The following RUNX1 variants were observed in gnomAD, a reference collection of about 807,000 sequenced individuals.
RUNX1 encodes runt-related transcription factor 1.
A neutral mutation model predicts 42.8 loss-of-function variants in RUNX1; 19 were observed. The observed-to-expected ratio is 0.44, with a 90% confidence interval of 0.31 to 0.65. The LOEUF (loss-of-function observed/expected upper bound fraction) is 0.65. RUNX1 is among the 30% of genes least tolerant of loss of function. RUNX1 has a pLI of 0.07. For missense variants in RUNX1, 528 were observed against 672.0 expected (o/e 0.79, Z 2.37); for synonymous variants, 271 against 289.4 (o/e 0.94, Z 0.64).
intron 1 of RUNX1, 84 bp from the exon 2 acceptor site, chr21:35,049,042 A>AT: frequency 1.3e-6 from 1 of 762,480 alleles, no homozygotes; most frequent in Middle Eastern, 3.3e-4. Context: ...CCTCTGCTGG[A>AT]TACCTCTGGG....
rs567575813 is a variant in RUNX1, at chr21:34,849,497, T to A, written c.613+9977A>T. Among the ~76,000 whole-genome samples, 29 of 107,058 alleles carry A rather than the reference T, an allele frequency of 2.7e-4. No individual in the cohort carries two copies. The South Asian group carries it at 6.6e-3, about 24-fold the overall frequency. The allele number at this position is 107,058 out of a possible 152,430, so 70.2% of individuals were successfully genotyped here. A position where few individuals can be genotyped will look rare whatever the true frequency, so the allele number is the denominator to read the frequency against. ...TAATATATATTATATATATATATAT[T>A]AGCTTGGCTTTCACCTATGAATGTG... On this transcript the variant is annotated intron_variant, in intron 6 of 8. Coordinates refer to ENST00000675419, the MANE Select transcript of RUNX1 (RefSeq NM_001754.5).
rs190720289 is a variant in RUNX1, at chr21:34,966,634, C to A, written c.59-73671G>T. Among the ~76,000 whole-genome samples, 12 of 152,326 alleles carry A rather than the reference C, an allele frequency of 7.9e-5. No homozygotes were observed. In the East Asian group the frequency reaches 1.7e-3, roughly 22 times the overall value. On this transcript the variant is annotated intron_variant, in intron 2 of 8. Coordinates refer to ENST00000675419, the MANE Select transcript of RUNX1 (RefSeq NM_001754.5). ...AAGGCTTCACCCCACCAATCAATGA[C>A]AACTTACTTTTTCCCCAAGGATCAG...
At chr21:35,007,024 C>T (rs900089014) in intron 2 of RUNX1, among the ~76,000 whole-genome samples, 1 of 152,100 alleles carries the variant, frequency 6.6e-6, no homozygotes, top group East Asian at 1.9e-4. Context: ...GCCACCAGCC[C>T]CATGTGGGCA....
chr21:34,880,321 T>C (rs1325323253), intron 5 of RUNX1, among the ~76,000 whole-genome samples: 2 of 152,240 alleles, frequency 1.3e-5, no homozygotes, highest in African/African-American at 2.4e-5. Context: ...TCACAATTCC[T>C]ACGTTGCATG....
chr21:34,833,888 T>C (rs2057100938), intron 7 of RUNX1: 2 of 252,162 alleles, frequency 7.9e-6, no homozygotes, highest in South Asian at 4.7e-5. Flanking sequence ...GATTTGCAAA[T>C]AACACCCTTG....
chr21:34,985,247 C>T (rs2058876546), intron 2 of RUNX1, among the ~76,000 whole-genome samples: 1 of 152,108 alleles, frequency 6.6e-6, no homozygotes, highest in African/African-American at 2.4e-5. Context: ...TAGTTTCTTG[C>T]AATAGGGATG....
intron 2 of RUNX1, among the ~76,000 whole-genome samples, chr21:35,028,210 T>G (rs1052703355): frequency 1.4e-4 from 22 of 152,180 alleles, no homozygotes; most frequent in African/African-American, 5.3e-4. Flanking sequence ...ACAGGGCTAT[T>G]AAGATGCAGA....
chr21:34,810,989 G>A (rs925110425), intron 7 of RUNX1, among the ~76,000 whole-genome samples: 6 of 152,182 alleles, frequency 3.9e-5, no homozygotes, highest in African/African-American at 1.2e-4. Flanking sequence ...CTCCTGCAGA[G>A]CAGCAGCCTC....
At chr21:34,854,410 C>A (rs922043507) in intron 6 of RUNX1, among the ~76,000 whole-genome samples, 1 of 151,896 alleles carries the variant, frequency 6.6e-6, no homozygotes, top group African/African-American at 2.4e-5. Context: ...CTCCACCTTA[C>A]CATCTCTATG....
At chr21:34,821,727 G>C in intron 7 of RUNX1, 1 of 1,543,626 alleles carries the variant, frequency 6.5e-7, no homozygotes, top group South Asian at 1.2e-5. Flanking sequence ...CAGGGAGAAA[G>C]TTCGAAAATA....
chr21:35,007,019 C>T (rs2059090019), intron 2 of RUNX1, among the ~76,000 whole-genome samples: 1 of 152,132 alleles, frequency 6.6e-6, no homozygotes, highest in Admixed American at 6.5e-5. Flanking sequence ...TTGGTGCCAC[C>T]AGCCCCATGT....
chr21:34,983,721 G>T (rs1040127408), intron 2 of RUNX1, among the ~76,000 whole-genome samples: 1 of 152,196 alleles, frequency 6.6e-6, no homozygotes, highest in African/African-American at 2.4e-5. Flanking sequence ...TTGGTGTGTT[G>T]TGGGGGGAAA....
intron 2 of RUNX1, among the ~76,000 whole-genome samples, chr21:34,912,907 G>A (rs2058283253): frequency 1.3e-5 from 2 of 152,176 alleles, no homozygotes; most frequent in South Asian, 4.1e-4. Flanking sequence ...GCCTTCACCT[G>A]GTCTAGTTTA....
chr21:35,036,638 G>C (rs977101291), intron 2 of RUNX1, among the ~76,000 whole-genome samples: 3 of 152,194 alleles, frequency 2.0e-5, no homozygotes, highest in African/African-American at 7.2e-5. Flanking sequence ...GAGGACTGGT[G>C]ACATGGACTT....
chr21:34,809,857 G>C (rs1402569201), intron 7 of RUNX1, among the ~76,000 whole-genome samples: 1 of 152,192 alleles, frequency 6.6e-6, no homozygotes, highest in Non-Finnish European at 1.5e-5. Context: ...TTTACGTCTG[G>C]GACTGCAGAG....
intron 2 of RUNX1, among the ~76,000 whole-genome samples, chr21:34,960,965 A>G (rs1467769392): frequency 6.6e-6 from 1 of 152,222 alleles, no homozygotes; most frequent in Non-Finnish European, 1.5e-5. Context: ...TGGAATTAGC[A>G]GACAGTTGTG....
intron 6 of RUNX1, among the ~76,000 whole-genome samples, chr21:34,857,632 T>G (rs1163366018): frequency 1.3e-5 from 2 of 152,204 alleles, no homozygotes; most frequent in African/African-American, 4.8e-5. Context: ...GGAGCATTTC[T>G]CTAAGTTTAG....
At chr21:34,853,801 C>CCCTT (rs1569057087) in intron 6 of RUNX1, among the ~76,000 whole-genome samples, 1 of 143,974 alleles carries the variant, frequency 6.9e-6, no homozygotes, top group East Asian at 2.1e-4. Flanking sequence ...TCCCTTCCTT[C>CCCTT]CCTTCCTTCC....
chr21:34,867,506 A>G (rs921466166), intron 5 of RUNX1, among the ~76,000 whole-genome samples: 4 of 152,130 alleles, frequency 2.6e-5, no homozygotes, highest in Middle Eastern at 3.2e-3. Context: ...GTCGAATTTC[A>G]CTTGGAAGGC....
Sources: allele counts gnomAD v4.1 joint callset (sites outside exome capture counted in the v4.1 genomes callset), GRCh38; gene constraint gnomAD v4.1.1; transcripts MANE v1.5; gene names NCBI Gene and HGNC (gene_info 2026-07-23, HGNC 2026-07-21).